SAMD13: variants seen among roughly 807,000 people sequenced by gnomAD.
SAMD13 encodes the protein sterile alpha motif domain-containing protein 13.
Under a neutral mutation model 12.4 loss-of-function variants are expected in SAMD13, and 9 were observed. The ratio of observed to expected loss-of-function variants is 0.72; its 90% CI spans 0.44 to 1.26. SAMD13 has a LOEUF of 1.26. Among genes scored for constraint, SAMD13 ranks in the 50% most tolerant of loss-of-function variants. The pLI is 0.00. For synonymous variants in SAMD13, 46 were observed against 45.4 expected (o/e 1.01, Z -0.05); for missense variants, 84 against 119.6 (o/e 0.70, Z 1.39).
chr1:84,315,356 T>G (rs1258945870), intron 2 of SAMD13, among the ~76,000 whole-genome samples: 1 of 152,174 alleles, frequency 6.6e-6, no homozygotes, highest in Admixed American at 6.6e-5. Context: ...TTCTTTGACT[T>G]GGTTATTTCA....
At chr1:84,315,017 T>A (rs1199511605) in intron 2 of SAMD13, among the ~76,000 whole-genome samples, 1 of 150,078 alleles carries the variant, frequency 6.7e-6, no homozygotes, top group East Asian at 2.0e-4. Context: ...CTTCTCTCTT[T>A]CTTTCTCTTT....
Position 84,349,847 on chromosome 1 carries a change from G to T in SAMD13, c.*73G>T, listed in dbSNP as rs1679611340. ...ATTTAGTTTCATGTAATGAAACTTTGTAAACAGAATACATACATGTGTATA... is the reference window on the plus strand; with the variant it reads ...ATTTAGTTTCATGTAATGAAACTTTTTAAACAGAATACATACATGTGTATA... On this transcript the variant is annotated 3_prime_UTR_variant, in exon 4 of 4. Transcript: ENST00000394834. 6.4e-7 allele frequency: 1 copy of T among 1,551,684 alleles called. No homozygotes were observed. Among genetic ancestry groups the T allele is most frequent in the Non-Finnish European group, 8.7e-7 (1 of 1,151,698 alleles).
intron 2 of SAMD13, among the ~76,000 whole-genome samples, chr1:84,320,144 G>C (rs1183127925): frequency 1.3e-5 from 2 of 152,170 alleles, no homozygotes; most frequent in African/African-American, 4.8e-5. Flanking sequence ...ATAGTAGACA[G>C]GTTAAAATTA....
In SAMD13 at chr1:84,304,937, A is replaced by G. The variant is rs79562067; in HGVS notation, c.53+1650A>G. 4.1e-4 allele frequency among the ~76,000 whole-genome samples: 62 copies of G among 152,218 alleles called. 1 individual carries two copies. The East Asian group carries it at 9.8e-3, about 24-fold the overall frequency. ...CATCCAAATGATGATAGACATTTGA[A>G]TTGTTTCTGTTTCTTAGGTATTATA... is the stretch of plus-strand genomic sequence containing the variant. On this transcript the variant is annotated intron_variant, in intron 2 of 3. Transcript: ENST00000394834.
intron 3 of SAMD13, among the ~76,000 whole-genome samples, chr1:84,328,800 A>G (rs1367887223): frequency 1.3e-5 from 2 of 152,120 alleles, no homozygotes; most frequent in African/African-American, 2.4e-5. Flanking sequence ...ATGCAGGTAC[A>G]TGCAAGGTCA....
At chr1:84,299,561 A>G, upstream of SAMD13, 2 of 1,466,236 alleles carry the variant, frequency 1.4e-6, no homozygotes, top group Non-Finnish European at 9.1e-7. Flanking sequence ...CACACATCAC[A>G]CTCACATACT....
intron 2 of SAMD13, among the ~76,000 whole-genome samples, chr1:84,317,658 C>A (rs893756924): frequency 6.6e-6 from 1 of 151,932 alleles, no homozygotes; most frequent in African/African-American, 2.4e-5. Context: ...CTATAATTTT[C>A]TTTTCTTGTG....
At chr1:84,337,084 G>A in intron 3 of SAMD13, among the ~76,000 whole-genome samples, 1 of 152,182 alleles carries the variant, frequency 6.6e-6, no homozygotes, top group Non-Finnish European at 1.5e-5. Context: ...GGCTATGCAG[G>A]GTACAGCCTC....
At chr1:84,330,085 AT>A (rs1679145046) in intron 3 of SAMD13, among the ~76,000 whole-genome samples, 1 of 152,172 alleles carries the variant, frequency 6.6e-6, no homozygotes, top group African/African-American at 2.4e-5. Flanking sequence ...GCAGACAAAC[AT>A]TTTAGGCTGT....
intron 2 of SAMD13, among the ~76,000 whole-genome samples, chr1:84,320,637 G>A (rs1678923217): frequency 6.6e-6 from 1 of 152,150 alleles, no homozygotes; most frequent in African/African-American, 2.4e-5. Flanking sequence ...TTTAGCCAGA[G>A]GCTGTTTTAA....
chr1:84,350,076 T>C lies in SAMD13; in HGVS notation c.*302T>C. The stretch of plus-strand genomic sequence containing the variant: ...TGAAATCATAAGGATTTTCCTCATC[T>C]CTTTATAGCTTTCCCAAAATCTTTT... On this transcript the variant is annotated 3_prime_UTR_variant, in exon 4 of 4. Coordinates refer to ENST00000394834, the MANE Select transcript of SAMD13 (RefSeq NM_001134663.2). 1 of 242,762 alleles carries C rather than the reference T, an allele frequency of 4.1e-6. No individual in the cohort carries two copies. The highest frequency in any genetic ancestry group is 7.3e-6 in the Non-Finnish European group (1 of 136,400). The allele number at this position is 242,762 out of a possible 1,614,324, so 15.0% of individuals were successfully genotyped here.
intron 3 of SAMD13, among the ~76,000 whole-genome samples, chr1:84,348,707 C>T (rs963872670): frequency 6.6e-6 from 1 of 152,042 alleles, no homozygotes; most frequent in East Asian, 1.9e-4. Flanking sequence ...TTTATTTCAC[C>T]CCAAAGCTTT....
At chr1:84,306,805 T>A (rs974529659) in intron 2 of SAMD13, among the ~76,000 whole-genome samples, 1 of 149,456 alleles carries the variant, frequency 6.7e-6, no homozygotes, top group Non-Finnish European at 1.5e-5. Flanking sequence ...CACTCCAGCC[T>A]GGGTGACAGT....
At chr1:84,333,758 A>G (rs577928739) in intron 3 of SAMD13, among the ~76,000 whole-genome samples, 36 of 152,248 alleles carry the variant, frequency 2.4e-4, no homozygotes, top group African/African-American at 7.5e-4. Flanking sequence ...GATTTTTAAC[A>G]TGAAGGGATG....
intron 3 of SAMD13, among the ~76,000 whole-genome samples, chr1:84,332,228 A>G (rs1426260710): frequency 6.6e-6 from 1 of 152,188 alleles, no homozygotes; most frequent in Non-Finnish European, 1.5e-5. Context: ...AGAACAACTT[A>G]CATTCTTTTG....
At chr1:84,304,425 A>G (rs1367065895) in intron 2 of SAMD13, 1 of 152,174 alleles carries the variant, frequency 6.6e-6, no homozygotes, top group Non-Finnish European at 1.5e-5. Context: ...TGTGGCTACG[A>G]AGAATATGAA....
At chr1:84,310,652 T>A (rs1678688288) in intron 2 of SAMD13, among the ~76,000 whole-genome samples, 1 of 152,208 alleles carries the variant, frequency 6.6e-6, no homozygotes, top group Non-Finnish European at 1.5e-5. Context: ...AATATTTACA[T>A]CCACATTGAC....
intron 3 of SAMD13, among the ~76,000 whole-genome samples, chr1:84,330,066 C>T (rs2101808517): frequency 6.6e-6 from 1 of 152,312 alleles, no homozygotes; most frequent in South Asian, 2.1e-4. Context: ...TTTTCCCAAG[C>T]ACCTTCTAGC....
intron 3 of SAMD13, among the ~76,000 whole-genome samples, chr1:84,340,057 C>T (rs780524485): frequency 6.6e-5 from 10 of 152,134 alleles, no homozygotes; most frequent in Non-Finnish European, 8.8e-5. Flanking sequence ...TTAAGCATAG[C>T]TTTACTGTAG....
Sources: gnomAD v4.1 joint callset for allele counts (sites outside exome capture counted in the v4.1 genomes callset) on GRCh38, gnomAD v4.1.1 for gene constraint, MANE v1.5 for transcripts, NCBI Gene and HGNC (gene_info 2026-07-23, HGNC 2026-07-21) for gene names.